Variants in MICU1 observed in about 807,000 individuals in gnomAD.
MICU1 encodes the protein calcium uptake protein 1, mitochondrial.
In MICU1, 45 loss-of-function variants were observed where a neutral mutation model predicts 56.8. The ratio of observed to expected loss-of-function variants is 0.79; its 90% CI spans 0.62 to 1.02. The LOEUF is 1.02. MICU1 is among the 50% of genes least tolerant of loss of function. MICU1 has a pLI of 0.00. For missense variants in MICU1, 504 were observed against 587.1 expected (o/e 0.86, Z 1.46); for synonymous variants, 186 against 195.1 (o/e 0.95, Z 0.39).
chr10:72,583,423 G>A (rs1220176543), intron 1 of MICU1, among the ~76,000 whole-genome samples: 1 of 152,024 alleles, frequency 6.6e-6, no homozygotes, highest in African/African-American at 2.4e-5. Context: ...TGGGACTACA[G>A]CTGTGTACCA....
At chr10:72,472,537 TA>T (rs959643185) in intron 8 of MICU1, among the ~76,000 whole-genome samples, 4 of 151,784 alleles carry the variant, frequency 2.6e-5, no homozygotes, top group African/African-American at 9.7e-5. Context: ...GAAGTTAGAA[TA>T]GGGAAGCTGT....
chr10:72,407,035 T>C (rs1467132201), intron 10 of MICU1, among the ~76,000 whole-genome samples: 5 of 152,240 alleles, frequency 3.3e-5, no homozygotes, highest in Admixed American at 3.3e-4. Context: ...AGTGTACATT[T>C]ATATAATTCC....
intron 8 of MICU1, among the ~76,000 whole-genome samples, chr10:72,473,779 G>A (rs1589255799): frequency 6.6e-6 from 1 of 152,180 alleles, no homozygotes; most frequent in East Asian, 1.9e-4. Flanking sequence ...ACACAATTGA[G>A]ACAAGTGGGT....
intron 10 of MICU1, among the ~76,000 whole-genome samples, chr10:72,400,161 A>G (rs1425634804): frequency 6.6e-6 from 1 of 152,200 alleles, no homozygotes; most frequent in African/African-American, 2.4e-5. Flanking sequence ...CACTGCCTCT[A>G]TTAGCAAGGA....
rs1195196459 is a variant in MICU1, at chr10:72,502,159, T to G, written c.652+5996A>C. 1.4e-3 allele frequency among the ~76,000 whole-genome samples: 189 copies of G among 136,356 alleles called. 1 individual carries two copies. The highest frequency in any genetic ancestry group is 3.6e-3 in the African/African-American group (129 of 35,764). The allele number at this position is 136,356 out of a possible 152,430, so 89.5% of individuals were successfully genotyped here. A position where few individuals can be genotyped will look rare whatever the true frequency, so the allele number is the denominator to read the frequency against. ...CTTTGTTTTGCTGTTTTTTTTTTTG[T>G]TTTTTTTTTTTTTTTGAGTCAGTCT... On this transcript the variant is annotated intron_variant, in intron 6 of 11. Coordinates refer to ENST00000361114, the MANE Select transcript of MICU1 (RefSeq NM_001195518.2).
chr10:72,398,909 T>C (rs1024622926), intron 10 of MICU1, among the ~76,000 whole-genome samples: 5 of 152,018 alleles, frequency 3.3e-5, no homozygotes, highest in East Asian at 1.9e-4. Context: ...TTCCAATCAA[T>C]AGAAAAAGAG....
At chr10:72,521,690 T>C (rs901237785) in intron 5 of MICU1, among the ~76,000 whole-genome samples, 13 of 152,092 alleles carry the variant, frequency 8.5e-5, no homozygotes, top group African/African-American at 3.1e-4. Context: ...TGTTACATTG[T>C]ATCAACTGCA....
chr10:72,468,992 T>C (rs1233992439), intron 8 of MICU1, among the ~76,000 whole-genome samples: 1 of 152,222 alleles, frequency 6.6e-6, no homozygotes, highest in Non-Finnish European at 1.5e-5. Context: ...AGACCCGAGT[T>C]GGAATCCTAG....
At chr10:72,467,874 G>A (rs1319416745) in intron 8 of MICU1, 1 of 150,806 alleles carries the variant, frequency 6.6e-6, no homozygotes, top group African/African-American at 2.4e-5. Flanking sequence ...GAGTGCAATG[G>A]CATGAGACTG....
intron 8 of MICU1, among the ~76,000 whole-genome samples, chr10:72,465,257 A>G (rs913723449): frequency 6.6e-6 from 1 of 151,520 alleles, no homozygotes; most frequent in Non-Finnish European, 1.5e-5. Context: ...CCTGGCCTCC[A>G]AAAGTGCTGG....
At chr10:72,555,206 C>T (rs1223406870) in intron 3 of MICU1, among the ~76,000 whole-genome samples, 1 of 152,084 alleles carries the variant, frequency 6.6e-6, no homozygotes, top group African/African-American at 2.4e-5. Flanking sequence ...ATAATTATTT[C>T]CCCTAAGAAA....
chr10:72,477,380 A>G, intron 6 of MICU1, 124 bp from the exon 7 acceptor site: 3 of 1,165,726 alleles, frequency 2.6e-6, no homozygotes, highest in Non-Finnish European at 3.7e-6. Context: ...GACTGAGTCA[A>G]AGTCTCAATA....
rs1428279064 is a variant in MICU1 at position 72,450,723 on chromosome 10, A to AT, written c.933+24376dup. On this transcript the variant is annotated intron_variant, in intron 8 of 11. Coordinates refer to ENST00000361114, the MANE Select transcript of MICU1 (RefSeq NM_001195518.2). ...ACTTCCTTAAATCTTTATTTTTTTA[A>AT]TTCTTTTTTTTTTTTTTTTGAGATG... 2.3e-3 allele frequency among the ~76,000 whole-genome samples: 328 copies of AT among 140,112 alleles called. 1 individual carries two copies. The highest frequency in any genetic ancestry group is 8.0e-3 in the African/African-American group (308 of 38,664). The allele number at this position is 140,112 out of a possible 152,430, so 91.9% of individuals were successfully genotyped here.
At chr10:72,548,604 T>C (rs891923450) in intron 4 of MICU1, among the ~76,000 whole-genome samples, 5 of 152,232 alleles carry the variant, frequency 3.3e-5, no homozygotes, top group South Asian at 2.1e-4. Flanking sequence ...CCATGTGTTA[T>C]AATTGTTGAA....
chr10:72,585,248 A>G (rs969197928), intron 1 of MICU1, among the ~76,000 whole-genome samples: 6 of 151,672 alleles, frequency 4.0e-5, no homozygotes, highest in Admixed American at 3.9e-4. Flanking sequence ...CACCATGCCC[A>G]GCTAATTTTT....
chr10:72,405,099 G>C (rs1028857881), intron 10 of MICU1, among the ~76,000 whole-genome samples: 1 of 151,856 alleles, frequency 6.6e-6, no homozygotes, highest in Non-Finnish European at 1.5e-5. Context: ...GTTACAGATG[G>C]GGTTTCACCA....
At chr10:72,476,226 CAAAAAAAA>C (rs71018297) in intron 7 of MICU1, among the ~76,000 whole-genome samples, 2 of 73,836 alleles carry the variant, frequency 2.7e-5, no homozygotes, top group Admixed American at 1.7e-4. Flanking sequence ...GACTCCATCT[CAAAAAAAA>C]AAAAAAAAAA....
intron 8 of MICU1, among the ~76,000 whole-genome samples, chr10:72,443,818 T>G (rs1865016270): frequency 6.6e-6 from 1 of 151,784 alleles, no homozygotes; most frequent in Non-Finnish European, 1.5e-5. Flanking sequence ...GTGTGGCGAT[T>G]CCTCAGGGAT....
chr10:72,519,677 C>G (rs1462461993), intron 5 of MICU1, among the ~76,000 whole-genome samples: 1 of 152,192 alleles, frequency 6.6e-6, no homozygotes, highest in Non-Finnish European at 1.5e-5. Context: ...TGTGCTCAAA[C>G]AGTAAATCCT....
Sources: allele counts gnomAD v4.1 joint callset (sites outside exome capture counted in the v4.1 genomes callset), GRCh38; gene constraint gnomAD v4.1.1; transcripts MANE v1.5; gene names NCBI Gene and HGNC (gene_info 2026-07-23, HGNC 2026-07-21).